RIMS2: variants seen among roughly 807,000 people sequenced by gnomAD.
The protein encoded by RIMS2 is regulating synaptic membrane exocytosis protein 2.
Under a neutral mutation model 174.4 loss-of-function variants are expected in RIMS2, and 59 were observed. That is an observed-to-expected ratio of 0.34 (90% CI 0.27 to 0.42). RIMS2 has a LOEUF of 0.42. Ranked by LOEUF, RIMS2 falls within the 10% of genes least tolerant of loss-of-function variation. The pLI is 1.00. For missense variants in RIMS2, 1,620 were observed against 1,666.3 expected (o/e 0.97, Z 0.48); for synonymous variants, 606 against 572.5 (o/e 1.06, Z -0.84).
At chr8:103,917,652 A>G (rs1306767990) in intron 8 of RIMS2, among the ~76,000 whole-genome samples, 3 of 152,194 alleles carry the variant, frequency 2.0e-5, no homozygotes, top group Admixed American at 6.5e-5. Flanking sequence ...CTTTTGGTGT[A>G]AATATAGTTC....
intron 1 of RIMS2, among the ~76,000 whole-genome samples, chr8:103,601,184 T>A (rs148749757): frequency 1.3e-5 from 2 of 152,358 alleles, no homozygotes; most frequent in African/African-American, 4.8e-5. Flanking sequence ...GTTTATTGTA[T>A]CCTTTGCTAT....
At chr8:104,013,614 T>G (rs1204871475) in exon 18 of RIMS2, 1 of 1,613,230 alleles carries the variant, frequency 6.2e-7, no homozygotes, top group Non-Finnish European at 8.5e-7. Flanking sequence ...TTCACCTGCC[T>G]TATCGAGGTG....
chr8:104,101,087 G>A, intron 19 of RIMS2, among the ~76,000 whole-genome samples: 1 of 137,122 alleles, frequency 7.3e-6, no homozygotes, highest in African/African-American at 2.9e-5. Context: ...TATTATATAT[G>A]TAATATATAA....
rs189876483 is a variant in RIMS2, at chr8:104,041,485, T to C, written c.3334+26870T>C. The C allele has an allele frequency of 1.2e-3, 590 of 495,952 alleles. 8 individuals carry two copies. Among genetic ancestry groups the C allele is most frequent in the African/African-American group, 0.011 (546 of 51,650 alleles). The allele number at this position is 495,952 out of a possible 1,614,324, so 30.7% of individuals were successfully genotyped here. On this transcript the variant is annotated intron_variant, in intron 19 of 23. Coordinates refer to ENST00000504942, the Ensembl canonical transcript of RIMS2. The stretch of plus-strand genomic sequence containing the variant: ...TAATATAACAAAATATTAAATCTTA[T>C]GAGCATTTTAATTTAGGTATTTGTG...
intron 19 of RIMS2, among the ~76,000 whole-genome samples, chr8:104,082,447 T>C (rs1002506232): frequency 5.9e-5 from 9 of 152,108 alleles, no homozygotes; most frequent in African/African-American, 2.2e-4. Context: ...GGGAATAGAA[T>C]AGAATGTAAC....
intron 13 of RIMS2, among the ~76,000 whole-genome samples, chr8:103,941,208 A>C (rs1190654380): frequency 6.6e-6 from 1 of 152,202 alleles, no homozygotes; most frequent in South Asian, 2.1e-4. Context: ...AACTCCAGGC[A>C]TGGTGGCTCA....
chr8:104,172,105 T>C (rs1205007925), intron 19 of RIMS2, among the ~76,000 whole-genome samples: 1 of 152,214 alleles, frequency 6.6e-6, no homozygotes, highest in Non-Finnish European at 1.5e-5. Flanking sequence ...TTTTATTTAC[T>C]GAGTTGATGA....
chr8:103,682,560 C>T (rs890818453), intron 1 of RIMS2, among the ~76,000 whole-genome samples: 11 of 152,020 alleles, frequency 7.2e-5, no homozygotes, highest in African/African-American at 2.7e-4. Context: ...GAGTGCCTGG[C>T]ATGAGGAAGC....
At chr8:103,974,692 T>C (rs914420869) in intron 15 of RIMS2, among the ~76,000 whole-genome samples, 1 of 152,222 alleles carries the variant, frequency 6.6e-6, no homozygotes, top group Non-Finnish European at 1.5e-5. Context: ...GTCATATTTT[T>C]ATTCTCAGAA....
chr8:103,921,492 C>A (rs6468895), intron 9 of RIMS2, among the ~76,000 whole-genome samples, 180 bp from the exon 13 acceptor site: 102,140 of 151,634 alleles, frequency 0.67, 35,181 homozygotes, highest in African/African-American at 0.72. Context: ...CCTATAGTGC[C>A]CTTTGGCTTC....
In RIMS2 at chr8:104,244,969, C is replaced by T. The variant is rs182290714; in HGVS notation, c.3388C>T (p.Leu1130=). 1.7e-4 allele frequency: 277 copies of T among 1,613,808 alleles called. 3 individuals carry two copies. In the Middle Eastern group the frequency reaches 3.1e-3, roughly 18 times the overall value. ...TGTCCAAAGAAGTACAGAAACAGGC[C>T]TGGCCGTGGAAATGAGGAACTGGAT... The change falls in exon 20 of 24, where the codon CTG becomes TTG. Residue 1130 remains leucine (L), a synonymous_variant. Transcript: ENST00000504942.
At chr8:103,799,693 A>G (rs763323612) in intron 3 of RIMS2, among the ~76,000 whole-genome samples, 11 of 152,104 alleles carry the variant, frequency 7.2e-5, no homozygotes, top group Non-Finnish European at 1.2e-4. Flanking sequence ...CAGTTTCCTC[A>G]TTACATTGAA....
chr8:103,718,017 G>A lies in RIMS2; in HGVS notation c.387+20721G>A, dbSNP rs576354965. ...TAAGTCTAGACAGCAAATTCTATGA[G>A]TTTTCAACTTCTAAGGCAATATACA... On this transcript the variant is annotated intron_variant, in intron 2 of 23. Transcript: ENST00000504942. Among the ~76,000 whole-genome samples the A allele has an allele frequency of 7.2e-5, 11 of 152,184 alleles. No homozygotes were observed. In the East Asian group the frequency reaches 2.1e-3, roughly 29 times the overall value.
chr8:103,509,133 G>A (rs1279775934), intron 1 of RIMS2, among the ~76,000 whole-genome samples: 1 of 151,828 alleles, frequency 6.6e-6, no homozygotes, highest in East Asian at 1.9e-4. Flanking sequence ...GTAGTAAAAA[G>A]GACCAAAAGG....
intron 1 of RIMS2, among the ~76,000 whole-genome samples, chr8:103,638,801 T>A (rs2096153221): frequency 6.6e-6 from 1 of 152,052 alleles, no homozygotes; most frequent in South Asian, 2.1e-4. Flanking sequence ...GCAATTGGGA[T>A]GTCACTGTTT....
chr8:104,167,585 G>A (rs2098805406), intron 19 of RIMS2, among the ~76,000 whole-genome samples: 1 of 152,040 alleles, frequency 6.6e-6, no homozygotes, highest in South Asian at 2.1e-4. Context: ...TCCTTTGTCA[G>A]ATGCAAAATT....
intron 19 of RIMS2, among the ~76,000 whole-genome samples, chr8:104,067,839 T>C (rs193147502): frequency 6.6e-6 from 1 of 152,336 alleles, no homozygotes; most frequent in African/African-American, 2.4e-5. Context: ...GGCATTAATG[T>C]CTTTTTGAAA....
At chr8:103,961,541 T>A (rs1275002023) in intron 15 of RIMS2, among the ~76,000 whole-genome samples, 2 of 152,142 alleles carry the variant, frequency 1.3e-5, no homozygotes, top group Non-Finnish European at 2.9e-5. Context: ...TTAAAATTGT[T>A]TTTATATGAA....
At chr8:103,553,543 A>G (rs1030243347) in intron 1 of RIMS2, among the ~76,000 whole-genome samples, 1 of 152,088 alleles carries the variant, frequency 6.6e-6, no homozygotes, top group African/African-American at 2.4e-5. Context: ...ACATATATAC[A>G]TATGTAACAA....
Sources: allele counts gnomAD v4.1 joint callset (sites outside exome capture counted in the v4.1 genomes callset), GRCh38; gene constraint gnomAD v4.1.1; transcripts MANE v1.5; gene names NCBI Gene and HGNC (gene_info 2026-07-23, HGNC 2026-07-21).